PIEZO2: variants seen among roughly 807,000 people sequenced by gnomAD.
PIEZO2 encodes the protein piezo type mechanosensitive ion channel component 2, also known as piezo-type mechanosensitive ion channel component 2.
Under a neutral mutation model 337.3 loss-of-function variants are expected in PIEZO2, and 172 were observed. That is an observed-to-expected ratio of 0.51 (90% CI 0.45 to 0.58). The LOEUF (loss-of-function observed/expected upper bound fraction) is 0.58. Among genes scored for constraint, PIEZO2 ranks in the 20% least tolerant of loss-of-function variants. PIEZO2 has a pLI of 0.00. For missense variants in PIEZO2, 3,028 were observed against 3,391.3 expected (o/e 0.89, Z 2.66); for synonymous variants, 1,251 against 1,228.5 (o/e 1.02, Z -0.38).
chr18:10,908,511 A>G (rs534607837), intron 4 of PIEZO2: 2 of 152,242 alleles, frequency 1.3e-5, no homozygotes, highest in Non-Finnish European at 2.9e-5. Flanking sequence ...ACTTGAGAAG[A>G]AAAAAGACAA....
At chr18:10,998,686 C>T (rs2035422921) in intron 2 of PIEZO2, among the ~76,000 whole-genome samples, 1 of 151,928 alleles carries the variant, frequency 6.6e-6, no homozygotes, top group Non-Finnish European at 1.5e-5. Context: ...TAATACCAAA[C>T]TATACACTTA....
intron 2 of PIEZO2, among the ~76,000 whole-genome samples, chr18:11,052,744 T>C (rs1195261820): frequency 6.6e-6 from 1 of 152,214 alleles, no homozygotes; most frequent in African/African-American, 2.4e-5. Flanking sequence ...AATCCTTCAA[T>C]TAATATTTGG....
intron 1 of PIEZO2, among the ~76,000 whole-genome samples, chr18:11,074,572 G>A (rs2038463460): frequency 6.6e-6 from 1 of 152,174 alleles, no homozygotes; most frequent in Admixed American, 6.5e-5. Flanking sequence ...ATACTGCCAT[G>A]TGAATCGTAA....
chr18:10,771,743 T>A (rs1031825260), intron 20 of PIEZO2, among the ~76,000 whole-genome samples: 5 of 152,236 alleles, frequency 3.3e-5, no homozygotes, highest in African/African-American at 9.6e-5. Flanking sequence ...TTCAGAAGTC[T>A]TAAGTTACAC....
chr18:11,142,050 G>A (rs1329897515), intron 1 of PIEZO2, among the ~76,000 whole-genome samples: 1 of 152,140 alleles, frequency 6.6e-6, no homozygotes, highest in Non-Finnish European at 1.5e-5. Flanking sequence ...GCAGAATTGT[G>A]CCCAAACAGT....
At chr18:10,960,417 C>T in intron 3 of PIEZO2, among the ~76,000 whole-genome samples, 1 of 152,106 alleles carries the variant, frequency 6.6e-6, no homozygotes, top group Admixed American at 6.6e-5. Context: ...TTCATTTAAA[C>T]CCTAAAAGTA....
At chr18:10,904,322 C>T (rs369653712) in intron 4 of PIEZO2, among the ~76,000 whole-genome samples, 2 of 152,284 alleles carry the variant, frequency 1.3e-5, no homozygotes, top group Admixed American at 6.5e-5. Flanking sequence ...ACCGAGTTAC[C>T]GCTTGCTTTT....
intron 36 of PIEZO2, among the ~76,000 whole-genome samples, chr18:10,728,970 AAAAAC>A (rs1337228197): frequency 1.8e-4 from 27 of 148,268 alleles, no homozygotes; most frequent in African/African-American, 6.5e-4. Flanking sequence ...AAAAAAAAAA[AAAAAC>A]AAAAACCAAT....
chr18:10,840,311 C>A (rs1019250858), intron 7 of PIEZO2, among the ~76,000 whole-genome samples: 8 of 152,066 alleles, frequency 5.3e-5, no homozygotes, highest in African/African-American at 1.9e-4. Flanking sequence ...TTACTTTCAT[C>A]GAGATGCATG....
At chr18:11,013,183 T>C (rs9954720) in intron 2 of PIEZO2, among the ~76,000 whole-genome samples, 532 of 152,342 alleles carry the variant, frequency 3.5e-3, no homozygotes, top group African/African-American at 0.012. Context: ...TATGTTGAGA[T>C]TGAGAGATGA....
At chr18:11,063,937 G>T (rs2038059258) in intron 2 of PIEZO2, among the ~76,000 whole-genome samples, 2 of 152,040 alleles carry the variant, frequency 1.3e-5, no homozygotes, top group African/African-American at 4.8e-5. Flanking sequence ...TGTCTAACCG[G>T]GGTGTCTAAC....
At position 10,675,932 on chromosome 18, in the gene PIEZO2, C is replaced by T. The variant is rs377437832; in HGVS notation, c.8082-644G>A. Reference sequence around the variant, plus strand: ...AGATGTGCCTTTACTCCTCCTTCGCCTTCCACCATGATTGTGAGGCCTCCC... The same window carrying T: ...AGATGTGCCTTTACTCCTCCTTCGCTTTCCACCATGATTGTGAGGCCTCCC... On this transcript the variant is annotated intron_variant, in intron 53 of 55. Coordinates refer to ENST00000674853, the MANE Select transcript of PIEZO2 (RefSeq NM_001378183.1). Among the ~76,000 whole-genome samples the T allele has an allele frequency of 3.3e-5, 5 of 152,304 alleles. No homozygotes were observed. In the South Asian group the frequency reaches 8.3e-4, roughly 25 times the overall value.
intron 2 of PIEZO2, among the ~76,000 whole-genome samples, chr18:11,020,448 G>A (rs150426975): frequency 6.6e-6 from 1 of 152,182 alleles, no homozygotes; most frequent in African/African-American, 2.4e-5. Context: ...GCAAAATTAG[G>A]TACTTCTGAT....
At chr18:10,711,792 G>A (rs1319312056) in intron 39 of PIEZO2, among the ~76,000 whole-genome samples, 1 of 152,046 alleles carries the variant, frequency 6.6e-6, no homozygotes, top group Admixed American at 6.5e-5. Context: ...CGCGCAGGAG[G>A]AAACGATTCC....
intron 2 of PIEZO2, among the ~76,000 whole-genome samples, chr18:11,036,790 T>C (rs1189390199): frequency 6.6e-6 from 1 of 152,156 alleles, no homozygotes; most frequent in Non-Finnish European, 1.5e-5. Context: ...TGAATTATTC[T>C]CCTCATGGGT....
At chr18:10,754,395 T>A (rs752677507) in intron 27 of PIEZO2, among the ~76,000 whole-genome samples, 1 of 152,200 alleles carries the variant, frequency 6.6e-6, no homozygotes, top group Non-Finnish European at 1.5e-5. Context: ...CCAGCAAGCA[T>A]GTGCGCTGGC....
At chr18:10,731,934 T>A (rs536084498) in intron 35 of PIEZO2, among the ~76,000 whole-genome samples, 1 of 152,338 alleles carries the variant, frequency 6.6e-6, no homozygotes, top group African/African-American at 2.4e-5. Flanking sequence ...AGTAGTCTTA[T>A]TTACTTTGGG....
intron 3 of PIEZO2, among the ~76,000 whole-genome samples, chr18:10,931,793 T>C (rs1277188476): frequency 6.6e-6 from 1 of 151,980 alleles, no homozygotes; most frequent in Non-Finnish European, 1.5e-5. Flanking sequence ...GTAATAAAAT[T>C]ATTTCAGGGC....
chr18:10,830,400 C>T lies in PIEZO2; in HGVS notation c.918-23126G>A, dbSNP rs1190969579. Among the ~76,000 whole-genome samples, 2 of 145,748 alleles carry T rather than the reference C, an allele frequency of 1.4e-5. No individual in the cohort carries two copies. The highest frequency in any genetic ancestry group is 4.4e-4 in the South Asian group (2 of 4,586). ...GGCAAAGATTTCTTGCATAATACCC[C>T]ACAAGCACAGACAACCAATGCAACC... On this transcript the variant is annotated intron_variant, in intron 7 of 55. Transcript: ENST00000674853. This position sits in a 1 kb window ranked among gnomAD's most constrained non-coding sequence, Gnocchi z 4.7.
Sources: allele counts gnomAD v4.1 joint callset (sites outside exome capture counted in the v4.1 genomes callset), GRCh38; gene constraint gnomAD v4.1.1; non-coding constraint Gnocchi (gnomAD v3.1); transcripts MANE v1.5; gene names NCBI Gene and HGNC (gene_info 2026-07-23, HGNC 2026-07-21).